Variants in USH2A observed in about 807,000 individuals in gnomAD.
The protein encoded by USH2A is usherin.
Under a neutral mutation model 538.9 loss-of-function variants are expected in USH2A, and 443 were observed. That is an observed-to-expected ratio of 0.82 (90% CI 0.76 to 0.89). The LOEUF (loss-of-function observed/expected upper bound fraction) is 0.89. Ranked by LOEUF, USH2A falls within the 40% of genes least tolerant of loss-of-function variation. The probability of loss-of-function intolerance (pLI) is 0.00; values close to 1 mark genes in which losing one functional copy is unlikely to be tolerated. For missense variants in USH2A, 6,633 were observed against 6,324.8 expected (o/e 1.05, Z -1.65); for synonymous variants, 2,413 against 2,273.5 (o/e 1.06, Z -1.75).
chr1:216,056,391 T>G (rs1255285733), intron 30 of USH2A, among the ~76,000 whole-genome samples: 1 of 152,170 alleles, frequency 6.6e-6, no homozygotes, highest in Non-Finnish European at 1.5e-5. Flanking sequence ...CCTCTGATAT[T>G]GTTATTCCAT....
intron 50 of USH2A, among the ~76,000 whole-genome samples, chr1:215,797,046 C>T (rs1187380710): frequency 1.3e-5 from 2 of 152,124 alleles, no homozygotes; most frequent in East Asian, 3.9e-4. Context: ...TTATCATTCA[C>T]TTATGAATAA....
intron 58 of USH2A, among the ~76,000 whole-genome samples, chr1:215,756,110 A>G (rs1660787243): frequency 6.6e-6 from 1 of 152,204 alleles, no homozygotes. Flanking sequence ...ATAGAACTAG[A>G]TAATATATTT....
chr1:216,375,213 G>A (rs774893891), intron 3 of USH2A, among the ~76,000 whole-genome samples: 1 of 152,076 alleles, frequency 6.6e-6, no homozygotes, highest in African/African-American at 2.4e-5. Context: ...TCTTATTTTT[G>A]GAGCTTTGAA....
At chr1:215,758,006 G>C (rs565646967) in intron 58 of USH2A, among the ~76,000 whole-genome samples, 1 of 152,138 alleles carries the variant, frequency 6.6e-6, no homozygotes, top group Non-Finnish European at 1.5e-5. Context: ...AGAGTAAGCC[G>C]GGCGTGGTGG....
intron 35 of USH2A, among the ~76,000 whole-genome samples, chr1:215,983,532 GA>G (rs1382735605): frequency 2.6e-5 from 4 of 152,004 alleles, no homozygotes; most frequent in Non-Finnish European, 5.9e-5. Flanking sequence ...TAAGAAAATG[GA>G]AATTTTGTTC....
chr1:216,227,313 T>G (rs762378924), intron 14 of USH2A, among the ~76,000 whole-genome samples: 22 of 152,228 alleles, frequency 1.4e-4, no homozygotes, highest in Non-Finnish European at 1.6e-4. Context: ...TCTGATCTTT[T>G]ATTTTTTAAA....
intron 11 of USH2A, among the ~76,000 whole-genome samples, chr1:216,251,403 TAGTC>T (rs1010167665): frequency 5.4e-5 from 8 of 149,438 alleles, no homozygotes; most frequent in African/African-American, 1.7e-4. Context: ...AAATAGAAAA[TAGTC>T]AGCAGTTAAT....
intron 43 of USH2A, among the ~76,000 whole-genome samples, chr1:215,867,393 A>G (rs1367444704): frequency 6.6e-6 from 1 of 152,228 alleles, no homozygotes; most frequent in African/African-American, 2.4e-5. Context: ...ACATCAGGGA[A>G]ATATTTTATT....
chr1:216,386,851 T>A (rs1472520528), intron 3 of USH2A, among the ~76,000 whole-genome samples: 1 of 152,052 alleles, frequency 6.6e-6, no homozygotes, highest in African/African-American at 2.4e-5. Flanking sequence ...TGAGACTCCG[T>A]CTCAATGAGA....
intron 61 of USH2A, among the ~76,000 whole-genome samples, chr1:215,695,242 T>C (rs1249864173): frequency 6.6e-6 from 1 of 152,214 alleles, no homozygotes; most frequent in African/African-American, 2.4e-5. Flanking sequence ...GACACTGATA[T>C]AAGATGGAGA....
intron 56 of USH2A, among the ~76,000 whole-genome samples, chr1:215,764,111 G>A (rs1304398589): frequency 6.6e-6 from 1 of 152,100 alleles, no homozygotes; most frequent in African/African-American, 2.4e-5. Flanking sequence ...AAATACATAG[G>A]ATTTAAATCC....
At chr1:215,951,760 T>C (rs1056293025) in intron 37 of USH2A, among the ~76,000 whole-genome samples, 1 of 152,354 alleles carries the variant, frequency 6.6e-6, no homozygotes, top group African/African-American at 2.4e-5. Context: ...CATATATATG[T>C]AGGATAGTTA....
chr1:216,368,299 C>T (rs765413968), intron 3 of USH2A, among the ~76,000 whole-genome samples: 7 of 151,758 alleles, frequency 4.6e-5, no homozygotes, highest in African/African-American at 1.7e-4. Context: ...CAGAAAGTTA[C>T]ACAATATCTC....
intron 64 of USH2A, among the ~76,000 whole-genome samples, chr1:215,669,374 C>T (rs1027017993): frequency 6.6e-6 from 1 of 152,152 alleles, no homozygotes; most frequent in African/African-American, 2.4e-5. Context: ...ATGGTGGCAT[C>T]GGTAAGTATT....
rs571292277 is a variant in USH2A, at chr1:216,384,958, T to C, written c.652-19873A>G. On this transcript the variant is annotated intron_variant, in intron 3 of 71. Coordinates refer to ENST00000307340, the MANE Select transcript of USH2A (RefSeq NM_206933.4). ...CAAGAGGTGAAAAAGTGAAGCTTCATGGTCATTAACCAAAAGCTGATAATG... is the reference window on the plus strand; with the variant it reads ...CAAGAGGTGAAAAAGTGAAGCTTCACGGTCATTAACCAAAAGCTGATAATG... 8.5e-5 allele frequency among the ~76,000 whole-genome samples: 13 copies of C among 152,272 alleles called. No individual in the cohort carries two copies. In the East Asian group the frequency reaches 1.4e-3, roughly 16 times the overall value.
At chr1:215,843,965 T>C (rs993437120) in intron 46 of USH2A, among the ~76,000 whole-genome samples, 1 of 152,174 alleles carries the variant, frequency 6.6e-6, no homozygotes, top group Non-Finnish European at 1.5e-5. Flanking sequence ...CTGATTCTGA[T>C]TTTGATTTCA....
chr1:216,238,009 A>G (rs1172728384), intron 13 of USH2A, among the ~76,000 whole-genome samples: 2 of 152,320 alleles, frequency 1.3e-5, no homozygotes, highest in African/African-American at 4.8e-5. Context: ...ACTTTGATGC[A>G]TTGATTTTTA....
rs1301322226 is a variant in USH2A, at chr1:216,254,087, C to A, written c.1972-2989G>T. On this transcript the variant is annotated intron_variant, in intron 11 of 71. Coordinates refer to ENST00000307340, the MANE Select transcript of USH2A (RefSeq NM_206933.4). ...GATATTTTTGTCAATAAAAACAATT[C>A]TTTCTATATGAACTCTGCCACAAAT... 4.6e-5 allele frequency among the ~76,000 whole-genome samples: 7 copies of A among 152,096 alleles called. No individual in the cohort carries two copies. The East Asian group carries it at 9.6e-4, about 21-fold the overall frequency.
chr1:215,902,821 G>A (rs757769808), intron 38 of USH2A, among the ~76,000 whole-genome samples: 2 of 152,086 alleles, frequency 1.3e-5, no homozygotes, highest in Non-Finnish European at 2.9e-5. Flanking sequence ...AAACATTCTG[G>A]TTGTGTTTAA....
Sources: allele counts gnomAD v4.1 joint callset (sites outside exome capture counted in the v4.1 genomes callset), GRCh38; gene constraint gnomAD v4.1.1; transcripts MANE v1.5; gene names NCBI Gene and HGNC (gene_info 2026-07-23, HGNC 2026-07-21).